The following HEG1 variants were observed in gnomAD, a reference collection of about 807,000 sequenced individuals.
HEG1 encodes heart development protein with EGF like domains 1, also known as protein HEG homolog 1.
Under a neutral mutation model 125.6 loss-of-function variants are expected in HEG1, and 56 were observed. The ratio of observed to expected loss-of-function variants is 0.45; its 90% CI spans 0.36 to 0.56. The LOEUF is 0.56. Ranked by LOEUF, HEG1 falls within the 20% of genes least tolerant of loss-of-function variation. HEG1 has a pLI of 0.00. For synonymous variants in HEG1, 644 were observed against 668.5 expected, an observed-to-expected ratio of 0.96 and a Z score of 0.57; for missense variants, 1,523 against 1,670.0, an observed-to-expected ratio of 0.91 and a Z score of 1.53.
Position 124,970,443 on chromosome 3 carries a change from A to C in HEG1, c.*209T>G. 5 of 557,772 alleles carry C rather than the reference A, an allele frequency of 9.0e-6. No homozygotes were observed. Among genetic ancestry groups the C allele is most frequent in the Non-Finnish European group, 1.6e-5 (5 of 312,294 alleles). The allele number at this position is 557,772 out of a possible 1,614,324, so 34.6% of individuals were successfully genotyped here. On this transcript the variant is annotated 3_prime_UTR_variant, in exon 17 of 17. Coordinates refer to ENST00000311127, the MANE Select transcript of HEG1 (RefSeq NM_020733.2). ...GATACTGGCCCACATTCACGTTCACAGTAACAACAAAGGTGCTGAATGAGC... is the reference window on the plus strand; with the variant it reads ...GATACTGGCCCACATTCACGTTCACCGTAACAACAAAGGTGCTGAATGAGC...
chr3:125,040,534 C>T (rs547519905), intron 1 of HEG1, among the ~76,000 whole-genome samples: 8 of 152,226 alleles, frequency 5.3e-5, no homozygotes, highest in East Asian at 3.9e-4. Context: ...CCTGCCTCCC[C>T]GGTAGAGCAT....
chr3:124,992,579 C>T (rs1482658681), intron 12 of HEG1, among the ~76,000 whole-genome samples: 1 of 152,072 alleles, frequency 6.6e-6, no homozygotes, highest in African/African-American at 2.4e-5. Flanking sequence ...CAGTAGCATG[C>T]ATGGCTGGGG....
intron 2 of HEG1, among the ~76,000 whole-genome samples, chr3:125,027,912 A>G (rs951374778): frequency 5.3e-5 from 8 of 152,220 alleles, no homozygotes; most frequent in Non-Finnish European, 2.9e-5. Context: ...AGAGTTTCTA[A>G]GCTCTGTAGG....
intron 7 of HEG1, 79 bp from the exon 8 acceptor site, chr3:125,009,903 T>C: frequency 6.9e-7 from 1 of 1,446,434 alleles, no homozygotes; most frequent in Non-Finnish European, 9.3e-7. Flanking sequence ...AAGTACTTAC[T>C]AAGGGCCAAA....
chr3:124,994,290 T>C (rs1936880607), intron 12 of HEG1, among the ~76,000 whole-genome samples: 2 of 152,156 alleles, frequency 1.3e-5, no homozygotes, highest in Non-Finnish European at 2.9e-5. Context: ...AGTTCCTAAC[T>C]GCACCTCCTG....
chr3:125,050,535 C>T (rs1159238038), intron 1 of HEG1, among the ~76,000 whole-genome samples: 5 of 152,206 alleles, frequency 3.3e-5, no homozygotes, highest in African/African-American at 4.8e-5. Flanking sequence ...CTGGACTATC[C>T]AGCCCCCAGT....
intron 2 of HEG1, 50 bp downstream of exon 2, chr3:125,029,145 C>T (rs1560030991): frequency 6.4e-7 from 1 of 1,558,100 alleles, no homozygotes; most frequent in East Asian, 2.3e-5. Flanking sequence ...ACTTTGTTTT[C>T]CAGGACTGGA....
intron 14 of HEG1, among the ~76,000 whole-genome samples, chr3:124,986,831 T>C (rs1419628205): frequency 6.6e-6 from 1 of 152,136 alleles, no homozygotes; most frequent in Non-Finnish European, 1.5e-5. Flanking sequence ...CTTGACTTTT[T>C]CCTAACATAA....
Position 125,036,325 on chromosome 3 carries a change from TA to T in HEG1, c.317-6838del, listed in dbSNP as rs60674092. 6.1e-3 allele frequency among the ~76,000 whole-genome samples: 886 copies of T among 145,444 alleles called. 8 individuals are homozygous for T. The highest frequency in any genetic ancestry group is 0.02 in the African/African-American group (796 of 39,558). On this transcript the variant is annotated intron_variant, in intron 1 of 16. Coordinates refer to ENST00000311127, the MANE Select transcript of HEG1 (RefSeq NM_020733.2). Reference sequence around the variant, plus strand: ...AGTGAATACTGTCTAAAACCAAAATTAAAAAAAAAATCAATAAATAGCAACA... The same window carrying T: ...AGTGAATACTGTCTAAAACCAAAATTAAAAAAAAATCAATAAATAGCAACA...
Position 125,040,294 on chromosome 3 carries a change from T to C in HEG1, c.317-10806A>G, listed in dbSNP as rs144173580. 2.0e-5 allele frequency among the ~76,000 whole-genome samples: 3 copies of C among 152,146 alleles called. No homozygotes were observed. In the East Asian group the frequency reaches 5.8e-4, roughly 29 times the overall value. Reference sequence around the variant, plus strand: ...GGACTGATTCCCGGGAAAACTTGAATGTAGAGACAGGAGAAGAGCCAGTGA... The same window carrying C: ...GGACTGATTCCCGGGAAAACTTGAACGTAGAGACAGGAGAAGAGCCAGTGA... On this transcript the variant is annotated intron_variant, in intron 1 of 16. Transcript: ENST00000311127.
intron 14 of HEG1, among the ~76,000 whole-genome samples, chr3:124,985,380 A>C (rs1579399711): frequency 1.3e-5 from 2 of 152,336 alleles, no homozygotes; most frequent in East Asian, 3.9e-4. Flanking sequence ...CATGTGCTAT[A>C]TTGTTATTTT....
intron 14 of HEG1, among the ~76,000 whole-genome samples, chr3:124,990,441 C>T (rs1047062951): frequency 1.3e-5 from 2 of 151,740 alleles, no homozygotes; most frequent in Admixed American, 6.6e-5. Flanking sequence ...CAGGTTCAAG[C>T]GATTCTCTCA....
At chr3:124,983,501 ATT>A (rs542232252) in intron 14 of HEG1, among the ~76,000 whole-genome samples, 12 of 138,384 alleles carry the variant, frequency 8.7e-5, no homozygotes, top group African/African-American at 8.0e-5. Context: ...TGCCTGGCTG[ATT>A]TTTTTTTTTT....
At chr3:125,003,247 A>T (rs1046905377) in intron 9 of HEG1, among the ~76,000 whole-genome samples, 1 of 152,240 alleles carries the variant, frequency 6.6e-6, no homozygotes, top group African/African-American at 2.4e-5. Context: ...GGGGACAGGT[A>T]TGTTACATCA....
At position 124,972,727 on chromosome 3, in the gene HEG1, G is replaced by A. The variant is rs563980100; in HGVS notation, c.3996+1004C>T. On this transcript the variant is annotated intron_variant, in intron 16 of 16. Transcript: ENST00000311127. ...CTTTTCAGCTCAGATACGCCTGTTC[G>A]TGTTTGCTTTATGGTTGATACAGTG... Among the ~76,000 whole-genome samples, 16 of 152,262 alleles carry A rather than the reference G, an allele frequency of 1.1e-4. No individual in the cohort carries two copies. The South Asian group carries it at 2.1e-3, about 20-fold the overall frequency.
chr3:125,036,458 A>G (rs1373370082), intron 1 of HEG1, among the ~76,000 whole-genome samples: 4 of 152,206 alleles, frequency 2.6e-5, no homozygotes, highest in Non-Finnish European at 5.9e-5. Flanking sequence ...GAGTGGTCAG[A>G]GTTTTTATTA....
At chr3:125,008,215 G>A (rs1320260500) in intron 8 of HEG1, among the ~76,000 whole-genome samples, 3 of 152,200 alleles carry the variant, frequency 2.0e-5, no homozygotes, top group Admixed American at 2.0e-4. Flanking sequence ...AGGCCAGAAT[G>A]AGAGAAATTC....
intron 3 of HEG1, among the ~76,000 whole-genome samples, chr3:125,024,450 C>T (rs891721608): frequency 6.6e-6 from 1 of 152,144 alleles, no homozygotes; most frequent in Non-Finnish European, 1.5e-5. Context: ...CAAAAGGGAG[C>T]TTTTTTCCCT....
intron 9 of HEG1, among the ~76,000 whole-genome samples, chr3:125,003,447 T>A (rs1039723832): frequency 6.6e-5 from 10 of 152,236 alleles, no homozygotes; most frequent in Admixed American, 5.9e-4. Context: ...TTAGTAGACA[T>A]AAAATTCTGC....
Sources: gnomAD v4.1 joint callset for allele counts (sites outside exome capture counted in the v4.1 genomes callset) on GRCh38, gnomAD v4.1.1 for gene constraint, MANE v1.5 for transcripts, NCBI Gene and HGNC (gene_info 2026-07-23, HGNC 2026-07-21) for gene names.